The following PTN variants were observed in gnomAD, a reference collection of about 807,000 sequenced individuals.
PTN encodes the protein pleiotrophin, also known as heparin affin regulatory protein.
PTN carries 18 observed loss-of-function variants against 24.1 expected under a neutral mutation model. That is an observed-to-expected ratio of 0.75 (90% confidence interval 0.52 to 1.11). PTN has a LOEUF of 1.11. PTN is among the 50% of genes least tolerant of loss of function. The pLI, the probability that PTN is intolerant of heterozygous loss-of-function variation, is 0.00. For synonymous variants in PTN, 78 were observed against 68.6 expected (o/e 1.14, Z -0.67); for missense variants, 163 against 198.8 (o/e 0.82, Z 1.08).
intron 1 of PTN, among the ~76,000 whole-genome samples, chr7:137,261,326 G>A (rs1299854616): frequency 6.6e-6 from 1 of 151,936 alleles, no homozygotes; most frequent in African/African-American, 2.4e-5. Context: ...AAAGGACAAA[G>A]GAAATGATAG....
intron 4 of PTN, among the ~76,000 whole-genome samples, chr7:137,235,040 G>C (rs1196269052): frequency 6.6e-6 from 1 of 152,042 alleles, no homozygotes; most frequent in Non-Finnish European, 1.5e-5. Context: ...GAGGTCAAGA[G>C]AGACAGCTGA....
chr7:137,284,451 G>A (rs1324769641), intron 1 of PTN, among the ~76,000 whole-genome samples: 2 of 151,954 alleles, frequency 1.3e-5, no homozygotes, highest in African/African-American at 4.8e-5. Flanking sequence ...CTCTCTCTCA[G>A]AAATAATTAG....
intron 1 of PTN, among the ~76,000 whole-genome samples, chr7:137,283,756 T>C (rs1809508627): frequency 6.6e-6 from 1 of 152,020 alleles, no homozygotes; most frequent in Non-Finnish European, 1.5e-5. Flanking sequence ...AAATTAGAAA[T>C]GCTAAAATCA....
intron 4 of PTN, among the ~76,000 whole-genome samples, chr7:137,249,982 C>G (rs1227884163): frequency 6.6e-6 from 1 of 152,174 alleles, no homozygotes; most frequent in African/African-American, 2.4e-5. Flanking sequence ...GGAAACCAGC[C>G]AATCTCCATC....
intron 4 of PTN, among the ~76,000 whole-genome samples, chr7:137,240,755 G>A (rs1245696336): frequency 6.6e-6 from 1 of 152,118 alleles, no homozygotes; most frequent in African/African-American, 2.4e-5. Flanking sequence ...GAGTCAGGGT[G>A]GGTCTAAAAT....
At chr7:137,282,626 C>T (rs905115219) in intron 1 of PTN, among the ~76,000 whole-genome samples, 1 of 151,840 alleles carries the variant, frequency 6.6e-6, no homozygotes, top group African/African-American at 2.4e-5. Context: ...AAGAAAATAC[C>T]AACAGTTGAA....
intron 1 of PTN, among the ~76,000 whole-genome samples, chr7:137,316,106 C>T (rs1033498494): frequency 6.6e-6 from 1 of 152,186 alleles, no homozygotes; most frequent in Admixed American, 6.5e-5. Flanking sequence ...TCAGGCTCCA[C>T]TGAATATAGT....
At chr7:137,254,650 C>G (rs1055640917) in intron 2 of PTN, among the ~76,000 whole-genome samples, 18 of 151,818 alleles carry the variant, frequency 1.2e-4, no homozygotes, top group Non-Finnish European at 2.5e-4. Context: ...TCATCATCGT[C>G]ATGCAATCCA....
Position 137,228,050 on chromosome 7 carries a change from T to G in PTN, c.477A>C (p.Glu159Asp). The change falls in exon 5 of 5, where the codon GAA becomes GAC. Residue 159 changes from glutamate (E) to aspartate (D), a missense_variant. Glu to Asp is a conservative substitution (Grantham distance 45). Coordinates refer to ENST00000348225, the MANE Select transcript of PTN (RefSeq NM_002825.7). ...PQAESKKKKK[E>D]GKKQEKMLD is the part of the protein sequence containing the mutation. ...CCAGCATCTTCTCCTGTTTCTTGCC[T>G]TCCTTTTTCTTCTTCTTAGATTCTG... The G allele has an allele frequency of 3.1e-6, 5 of 1,597,788 alleles. No homozygotes were observed. The highest frequency in any genetic ancestry group is 4.3e-6 in the Non-Finnish European group (5 of 1,166,768).
chr7:137,290,895 T>C (rs1466877429), intron 1 of PTN, among the ~76,000 whole-genome samples: 4 of 152,318 alleles, frequency 2.6e-5, no homozygotes, highest in African/African-American at 9.6e-5. Flanking sequence ...TAAGTGTTTT[T>C]TCACCCACAT....
At chr7:137,251,565 T>C (rs1459047146) in intron 3 of PTN, among the ~76,000 whole-genome samples, 174 bp from the exon 4 acceptor site, 1 of 152,198 alleles carries the variant, frequency 6.6e-6, no homozygotes. Flanking sequence ...TTCAATTCTA[T>C]CACATGTGTA....
At chr7:137,256,802 AAAAACAAAAC>A (rs148690504) in intron 1 of PTN, among the ~76,000 whole-genome samples, 7 of 151,608 alleles carry the variant, frequency 4.6e-5, no homozygotes, top group South Asian at 2.1e-4. Flanking sequence ...CAAATTTATA[AAAAACAAAAC>A]AAAACAAAAC....
chr7:137,339,295 T>C, intron 1 of PTN, among the ~76,000 whole-genome samples: 1 of 152,056 alleles, frequency 6.6e-6, no homozygotes, highest in East Asian at 1.9e-4. Context: ...TGTGAAACCA[T>C]AGAGATAGAC....
chr7:137,250,905 C>T (rs918356163), intron 4 of PTN, among the ~76,000 whole-genome samples: 15 of 152,064 alleles, frequency 9.9e-5, no homozygotes, highest in Non-Finnish European at 1.9e-4. Flanking sequence ...GTTTGTTTTT[C>T]TTGTCAGGAT....
At chr7:137,260,599 C>T (rs1306127566) in intron 1 of PTN, among the ~76,000 whole-genome samples, 1 of 151,836 alleles carries the variant, frequency 6.6e-6, no homozygotes, top group Non-Finnish European at 1.5e-5. Flanking sequence ...CTTTTTCTTG[C>T]TTTTTACTTT....
chr7:137,258,139 A>G (rs1395720801), intron 1 of PTN, among the ~76,000 whole-genome samples: 1 of 152,150 alleles, frequency 6.6e-6, no homozygotes, highest in Admixed American at 6.6e-5. Context: ...GATTTCAAGG[A>G]AAAAAACACA....
intron 1 of PTN, among the ~76,000 whole-genome samples, chr7:137,293,411 T>G (rs929674089): frequency 6.6e-6 from 1 of 152,118 alleles, no homozygotes; most frequent in African/African-American, 2.4e-5. Flanking sequence ...CAAACACCCC[T>G]AAATACCTTT....
At chr7:137,284,775 C>T (rs1024582550) in intron 1 of PTN, among the ~76,000 whole-genome samples, 18 of 152,012 alleles carry the variant, frequency 1.2e-4, no homozygotes, top group South Asian at 4.1e-4. Flanking sequence ...TCACCTGTTC[C>T]GTAAAGACTT....
At chr7:137,245,740 G>T (rs1418629556) in intron 4 of PTN, among the ~76,000 whole-genome samples, 3 of 152,136 alleles carry the variant, frequency 2.0e-5, no homozygotes, top group Admixed American at 6.5e-5. Context: ...AAGATGTGGA[G>T]GTGGAAGACA....
Sources: gnomAD v4.1 joint callset for allele counts (sites outside exome capture counted in the v4.1 genomes callset) on GRCh38, gnomAD v4.1.1 for gene constraint, MANE v1.5 for transcripts, NCBI Gene and HGNC (gene_info 2026-07-23, HGNC 2026-07-21) for gene names.